CHRM3: variants seen among roughly 807,000 people sequenced by gnomAD.
The protein encoded by CHRM3 is muscarinic acetylcholine receptor M3.
CHRM3 carries 11 observed loss-of-function variants against 41.8 expected under a neutral mutation model. The observed-to-expected ratio is 0.26, with a 90% CI of 0.17 to 0.44. The LOEUF (loss-of-function observed/expected upper bound fraction) is 0.44, where lower values mean the gene tolerates loss of function less well. Ranked by LOEUF, CHRM3 falls within the 20% of genes least tolerant of loss-of-function variation. The pLI, the probability that CHRM3 is intolerant of heterozygous loss-of-function variation, is 1.00. For synonymous variants in CHRM3, 297 were observed against 301.4 expected, an observed-to-expected ratio of 0.99 and a Z score of 0.15; for missense variants, 571 against 745.4, an observed-to-expected ratio of 0.77 and a Z score of 2.72.
At chr1:239,814,457 T>G (rs892880243) in intron 5 of CHRM3, among the ~76,000 whole-genome samples, 6 of 152,170 alleles carry the variant, frequency 3.9e-5, no homozygotes, top group African/African-American at 1.4e-4. Flanking sequence ...TTCAGAGATG[T>G]CCAGAGCTCC....
chr1:239,894,569 ATT>A (rs1678831421), intron 6 of CHRM3, among the ~76,000 whole-genome samples: 2 of 152,164 alleles, frequency 1.3e-5, no homozygotes, highest in Non-Finnish European at 1.5e-5. Flanking sequence ...AGTAGCTGGC[ATT>A]ACAGGTGTGT....
At chr1:239,523,447 G>A (rs549812925) in intron 2 of CHRM3, among the ~76,000 whole-genome samples, 1 of 152,138 alleles carries the variant, frequency 6.6e-6, no homozygotes, top group African/African-American at 2.4e-5. Context: ...TTTTACAAGT[G>A]AAAATAACAT....
intron 6 of CHRM3, among the ~76,000 whole-genome samples, chr1:239,867,595 A>T (rs1676221663): frequency 6.6e-6 from 1 of 151,930 alleles, no homozygotes; most frequent in Non-Finnish European, 1.5e-5. Context: ...CTGAGGCAGG[A>T]TAATTGTTTG....
At chr1:239,859,435 T>TG (rs1675417448) in intron 6 of CHRM3, among the ~76,000 whole-genome samples, 2 of 150,460 alleles carry the variant, frequency 1.3e-5, no homozygotes, top group Non-Finnish European at 1.5e-5. Context: ...TTTTTTTGTT[T>TG]TTTTTTTTGA....
chr1:239,521,972 G>A (rs1484262741), intron 2 of CHRM3, among the ~76,000 whole-genome samples: 1 of 152,104 alleles, frequency 6.6e-6, no homozygotes, highest in Non-Finnish European at 1.5e-5. Flanking sequence ...GCATTCAAGG[G>A]GCTCCTGGAA....
intron 1 of CHRM3, among the ~76,000 whole-genome samples, chr1:239,403,198 G>A (rs569063260): frequency 8.9e-4 from 135 of 152,126 alleles, no homozygotes; most frequent in Non-Finnish European, 1.5e-3. Context: ...CATACGCCTC[G>A]TAGACTTTAC....
intron 1 of CHRM3, among the ~76,000 whole-genome samples, chr1:239,404,337 A>G (rs1308057519): frequency 6.9e-5 from 10 of 144,562 alleles, no homozygotes; most frequent in South Asian, 2.3e-4. Flanking sequence ...AGGAAGGAAG[A>G]AAGAAAGAGA....
chr1:239,908,555 G>T lies in CHRM3; in HGVS notation c.1104G>T (p.Val368=), dbSNP rs1680149978. The change falls in exon 7 of 7, where the codon GTG becomes GTT. Residue 368 remains valine, a synonymous_variant. Coordinates refer to ENST00000676153, the MANE Select transcript of CHRM3 (RefSeq NM_001375978.1). The surrounding 1 kb of genome is among the most constrained non-coding windows in gnomAD (Gnocchi z 7.2). ...GSETRAIYSI[V]LKLPGHSTIL... ...AGACGAGAGCCATCTACTCCATCGT[G>T]CTCAAGCTTCCGGGTCACAGCACCA... 1.3e-6 allele frequency: 2 copies of T among 1,588,404 alleles called. No individual in the cohort carries two copies. The highest frequency in any genetic ancestry group is 4.5e-5 in the East Asian group (2 of 44,338).
intron 3 of CHRM3, among the ~76,000 whole-genome samples, chr1:239,583,226 A>G (rs1663071585): frequency 1.3e-5 from 2 of 152,218 alleles, no homozygotes; most frequent in South Asian, 2.1e-4. Context: ...TGTTAATACT[A>G]TTTGTGTATT....
intron 6 of CHRM3, among the ~76,000 whole-genome samples, chr1:239,828,816 A>C (rs114266535): frequency 0.013 from 1,990 of 152,234 alleles, 17 homozygotes; most frequent in Non-Finnish European, 0.021. Context: ...TAGGTTTTGG[A>C]AGTGTCACTC....
At chr1:239,506,575 C>T (rs951872522) in intron 2 of CHRM3, among the ~76,000 whole-genome samples, 3 of 152,180 alleles carry the variant, frequency 2.0e-5, no homozygotes, top group African/African-American at 7.2e-5. Flanking sequence ...GGGTGGTGCC[C>T]TCATGGACAA....
intron 1 of CHRM3, among the ~76,000 whole-genome samples, chr1:239,403,979 GAGAGAGA>G (rs1558194639): frequency 1.0e-4 from 4 of 39,680 alleles, no homozygotes; most frequent in Non-Finnish European, 1.9e-4. Context: ...GGGAGGGGGA[GAGAGAGA>G]GAGAGAGAGA....
At chr1:239,847,166 G>C (rs568092260) in intron 6 of CHRM3, among the ~76,000 whole-genome samples, 1 of 152,250 alleles carries the variant, frequency 6.6e-6, no homozygotes, top group South Asian at 2.1e-4. Context: ...TGAGGGTGTT[G>C]TGTCACTTTT....
At chr1:239,789,025 C>T (rs550283616) in intron 5 of CHRM3, among the ~76,000 whole-genome samples, 77 of 152,238 alleles carry the variant, frequency 5.1e-4, no homozygotes, top group South Asian at 3.3e-3. Context: ...TGGGGTCTTC[C>T]TGGTCAGGCG....
At chr1:239,820,067 G>A (rs998626037) in intron 5 of CHRM3, among the ~76,000 whole-genome samples, 2 of 152,062 alleles carry the variant, frequency 1.3e-5, no homozygotes, top group Admixed American at 6.5e-5. Flanking sequence ...ACCTGTTTCC[G>A]AACCCTCAAG....
chr1:239,568,450 ACTGTGAGGC>A (rs1661558288), intron 3 of CHRM3, among the ~76,000 whole-genome samples: 1 of 151,974 alleles, frequency 6.6e-6, no homozygotes, highest in African/African-American at 2.4e-5. Context: ...TTCCACCATG[ACTGTGAGGC>A]CTTCCCAGCC....
intron 4 of CHRM3, among the ~76,000 whole-genome samples, chr1:239,669,653 A>G (rs1433625060): frequency 6.6e-6 from 1 of 152,218 alleles, no homozygotes; most frequent in East Asian, 1.9e-4. Context: ...AAAAGTTAGA[A>G]AGACCCAGAA....
At chr1:239,520,087 C>T (rs1044365115) in intron 2 of CHRM3, among the ~76,000 whole-genome samples, 12 of 152,146 alleles carry the variant, frequency 7.9e-5, no homozygotes, top group Non-Finnish European at 1.5e-4. Flanking sequence ...TACCAAATAC[C>T]AAATGTTTAA....
chr1:239,711,744 C>T (rs1001045387), intron 5 of CHRM3, among the ~76,000 whole-genome samples: 1 of 150,550 alleles, frequency 6.6e-6, no homozygotes, highest in Non-Finnish European at 1.5e-5. Flanking sequence ...GACTAAAGAA[C>T]AGGGGTGAGA....
Sources: allele counts gnomAD v4.1 joint callset (sites outside exome capture counted in the v4.1 genomes callset), GRCh38; gene constraint gnomAD v4.1.1; non-coding constraint Gnocchi (gnomAD v3.1); transcripts MANE v1.5; gene names NCBI Gene and HGNC (gene_info 2026-07-23, HGNC 2026-07-21).